Variants in MTCL1 observed in about 807,000 individuals in gnomAD.
MTCL1 encodes microtubule cross-linking factor 1.
MTCL1 carries 79 observed loss-of-function variants against 141.4 expected under a neutral mutation model. That is an observed-to-expected ratio of 0.56 (90% CI 0.47 to 0.67). The LOEUF (loss-of-function observed/expected upper bound fraction) is 0.67, where lower values mean the gene tolerates loss of function less well. Among genes scored for constraint, MTCL1 ranks in the 30% least tolerant of loss-of-function variants. The probability of loss-of-function intolerance (pLI) is 0.00; values close to 1 mark genes in which losing one functional copy is unlikely to be tolerated. For synonymous variants in MTCL1, 914 were observed against 875.8 expected (o/e 1.04, Z -0.77); for missense variants, 2,177 against 2,113.9 (o/e 1.03, Z -0.59).
At chr18:8,767,434 T>A (rs1046127449) in intron 4 of MTCL1, among the ~76,000 whole-genome samples, 8 of 152,172 alleles carry the variant, frequency 5.3e-5, no homozygotes, top group Non-Finnish European at 1.2e-4. Flanking sequence ...AAGAGTCTCT[T>A]GGATAGGAAG....
exon 1 of MTCL1, chr18:8,706,252 G>A: frequency 6.5e-6 from 8 of 1,228,742 alleles, no homozygotes; most frequent in Non-Finnish European, 7.1e-6. Flanking sequence ...CGGGTCCCCG[G>A]CCCGCTGCTC....
At chr18:8,784,975 T>C in intron 6 of MTCL1, 132 bp downstream of exon 5, 1 of 676,750 alleles carries the variant, frequency 1.5e-6, no homozygotes, top group Non-Finnish European at 2.2e-6. Context: ...TACTAAAGCC[T>C]CCGGGGCAAC....
intron 15 of MTCL1, among the ~76,000 whole-genome samples, chr18:8,826,587 A>T (rs557351727): frequency 3.9e-5 from 6 of 152,180 alleles, no homozygotes; most frequent in Admixed American, 3.9e-4. Flanking sequence ...AAACTATGGG[A>T]TAGTTGTGTC....
intron 16 of MTCL1, chr18:8,829,514 G>T: frequency 1.2e-5 from 11 of 953,732 alleles, no homozygotes; most frequent in Non-Finnish European, 1.4e-5. Context: ...ATAAATATTT[G>T]TTGAATGAAT....
At chr18:8,709,578 A>AT (rs1252203829) in intron 1 of MTCL1, among the ~76,000 whole-genome samples, 1 of 152,180 alleles carries the variant, frequency 6.6e-6, no homozygotes, top group Non-Finnish European at 1.5e-5. Context: ...AACTCTCAGG[A>AT]TTAGGTATAG....
chr18:8,824,748 TC>T lies in MTCL1; in HGVS notation c.3243del (p.Phe1082SerfsTer76). 1.2e-6 allele frequency: 2 copies of T among 1,613,938 alleles called. No individual in the cohort carries two copies. The highest frequency in any genetic ancestry group is 1.7e-6 in the Non-Finnish European group (2 of 1,179,932). On this transcript the variant is annotated frameshift_variant, in exon 15 of 17. Transcript: ENST00000359865. LOFTEE classifies it high-confidence loss of function. ...TGAGTTCCAGCGTCTAATGGACATC[TC>T]CCCCTTCCTGCCTGAGAAGGGCCTG...
At chr18:8,710,963 T>G (rs1448853094) in intron 1 of MTCL1, among the ~76,000 whole-genome samples, 1 of 55,404 alleles carries the variant, frequency 1.8e-5, no homozygotes, top group Admixed American at 2.0e-4. Context: ...TATGTATACA[T>G]GTGCCATGCT....
At chr18:8,775,224 G>A (rs1056686572) in intron 4 of MTCL1, among the ~76,000 whole-genome samples, 2 of 152,122 alleles carry the variant, frequency 1.3e-5, no homozygotes, top group Admixed American at 6.5e-5. Flanking sequence ...GTTAAAGCTT[G>A]GGAGAGAGCC....
At chr18:8,785,798 T>A (rs2096551192) in intron 6 of MTCL1, 138 bp from the exon 6 acceptor site, 1 of 1,037,144 alleles carries the variant, frequency 9.6e-7, no homozygotes, top group Non-Finnish European at 1.4e-6. Flanking sequence ...CTTTGGTCGT[T>A]TTCTCAGTCG....
At chr18:8,732,805 C>G (rs2096257290) in intron 4 of MTCL1, among the ~76,000 whole-genome samples, 7 of 152,060 alleles carry the variant, frequency 4.6e-5, no homozygotes, top group Admixed American at 3.3e-4. Flanking sequence ...GGTTATTCTC[C>G]CCTGAAAGAA....
At chr18:8,717,924 G>A in exon 2 of MTCL1, 1 of 997,092 alleles carries the variant, frequency 1.0e-6, no homozygotes, top group Non-Finnish European at 1.2e-6. Context: ...TCAATGCTGA[G>A]ATGCGTCTTG....
intron 4 of MTCL1, among the ~76,000 whole-genome samples, chr18:8,739,471 G>C (rs1162026947): frequency 4.6e-5 from 7 of 152,144 alleles, no homozygotes; most frequent in Admixed American, 4.6e-4. Flanking sequence ...GTGTTTATGA[G>C]ACACCCTACA....
rs901324251 is a variant in MTCL1, at chr18:8,779,592, A to G, written c.417+1700A>G. 6.6e-6 allele frequency among the ~76,000 whole-genome samples: 1 copy of G among 152,068 alleles called. No homozygotes were observed. Among genetic ancestry groups the G allele is most frequent in the African/African-American group, 2.4e-5 (1 of 41,426 alleles). On this transcript the variant is annotated intron_variant, in intron 5 of 16. Transcript: ENST00000359865. The surrounding 1 kb of genome is among the most constrained non-coding windows in gnomAD (Gnocchi z 4.1). ...CTCAGGCCGCCCCTCTCCTGTACAC[A>G]ACACCCGGCAGGTGCAGCGGGCCCT...
chr18:8,788,845 ACACTT>A (rs1462307550), intron 7 of MTCL1, among the ~76,000 whole-genome samples: 1 of 152,228 alleles, frequency 6.6e-6, no homozygotes, highest in Non-Finnish European at 1.5e-5. Flanking sequence ...TGCTAAAAAA[ACACTT>A]CAGGACGAGT....
In MTCL1 at chr18:8,822,031, ATACCGTTTCTAC is replaced by A. The variant is rs1187501681; in HGVS notation, c.3188+537_3188+548del. Among the ~76,000 whole-genome samples the A allele has an allele frequency of 6.6e-6, 1 of 152,214 alleles. No individual in the cohort carries two copies. The highest frequency in any genetic ancestry group is 1.5e-5 in the Non-Finnish European group (1 of 68,040). On this transcript the variant is annotated intron_variant, in intron 14 of 16. Transcript: ENST00000359865. The surrounding 1 kb of genome is among the most constrained non-coding windows in gnomAD (Gnocchi z 4.6). Reference sequence around the variant, plus strand: ...TTTTCATCATTCTCCAAATGAATACATACCGTTTCTACTACATGAAATTTCTTCTCAGGCAAT... The same window carrying A: ...TTTTCATCATTCTCCAAATGAATACATACATGAAATTTCTTCTCAGGCAAT...
intron 4 of MTCL1, among the ~76,000 whole-genome samples, chr18:8,742,278 T>A (rs1490289974): frequency 1.3e-5 from 2 of 152,186 alleles, no homozygotes; most frequent in African/African-American, 4.8e-5. Context: ...ATCTGTTCCC[T>A]CTCCTGCTCT....
chr18:8,825,325 A>G lies in MTCL1; in HGVS notation c.3815A>G (p.His1272Arg), dbSNP rs148368877. Residue 1272 changes from histidine to arginine, a missense_variant, in exon 15 of 17, where the codon CAC (histidine) becomes CGC (arginine). Transcript: ENST00000359865. ...TCCCTGGGGTTTGCCTCCCCACTGCACAGCCTGGAGATGTCCAAGAACTTG... is the reference window on the plus strand; with the variant it reads ...TCCCTGGGGTTTGCCTCCCCACTGCGCAGCCTGGAGATGTCCAAGAACTTG... 1.4e-5 allele frequency: 22 copies of G among 1,538,852 alleles called. No homozygotes were observed. The African/African-American group carries it at 2.6e-4, about 18-fold the overall frequency.
chr18:8,819,746 G>C (rs2076780914), intron 13 of MTCL1, among the ~76,000 whole-genome samples: 1 of 152,032 alleles, frequency 6.6e-6, no homozygotes, highest in African/African-American at 2.4e-5. Context: ...GGGACCACAG[G>C]CACATGCTAC....
In MTCL1 at chr18:8,705,826, C is replaced by A. The variant is rs1193256430; in HGVS notation, c.166C>A (p.Pro56Thr). The A allele has an allele frequency of 8.5e-7, 1 of 1,178,766 alleles. No individual in the cohort carries two copies. The highest frequency in any genetic ancestry group is 1.6e-5 in the African/African-American group (1 of 62,210). The allele number at this position is 1,178,766 out of a possible 1,614,324, so 73.0% of individuals were successfully genotyped here. A position where few individuals can be genotyped will look rare whatever the true frequency, so the allele number is the denominator to read the frequency against. The stretch of plus-strand genomic sequence containing the variant: ...CTTCCTCAAGGACCTGCACGCCCGG[C>A]CCGCCGCGCCCGGCCCGGCCGTCCC... Residue 56 changes from proline (P) to threonine (T), a missense_variant, in exon 1 of 14, where the codon CCC becomes ACC. By Grantham distance (38) the Pro-to-Thr change is conservative (BLOSUM62 -1). Coordinates refer to the MTCL1 transcript ENST00000306329. This position sits in a 1 kb window ranked among gnomAD's most constrained non-coding sequence, Gnocchi z 5.2.
Sources: gnomAD v4.1 joint callset for allele counts (sites outside exome capture counted in the v4.1 genomes callset) on GRCh38, gnomAD v4.1.1 for gene constraint, Gnocchi (gnomAD v3.1) non-coding constraint, MANE v1.5 for transcripts, NCBI Gene and HGNC (gene_info 2026-07-23, HGNC 2026-07-21) for gene names.